The following RAD51D variants were observed in gnomAD, a reference collection of about 807,000 sequenced individuals.
RAD51D encodes the protein DNA repair protein RAD51 homolog 4.
Under a neutral mutation model 44.1 loss-of-function variants are expected in RAD51D, and 38 were observed. The ratio of observed to expected loss-of-function variants is 0.86; its 90% CI spans 0.67 to 1.13. The LOEUF is 1.13. Ranked by LOEUF, RAD51D falls within the 50% of genes most tolerant of loss-of-function variation. RAD51D has a pLI of 0.00. For synonymous variants in RAD51D, 141 were observed against 166.6 expected (o/e 0.85, Z 1.18); for missense variants, 390 against 414.0 (o/e 0.94, Z 0.50).
intron 3 of RAD51D, chr17:35,116,838 C>T (rs2091754436): frequency 1.3e-6 from 2 of 1,492,900 alleles, no homozygotes; most frequent in Non-Finnish European, 1.8e-6. Context: ...GTGGTTGTGA[C>T]GAATAAATGA....
chr17:35,102,150 A>G (rs918785545), intron 8 of RAD51D, among the ~76,000 whole-genome samples: 6 of 151,962 alleles, frequency 3.9e-5, no homozygotes, highest in Non-Finnish European at 7.4e-5. Context: ...TAGGAAATGG[A>G]CTCAGATGGT....
Position 35,103,567 on chromosome 17 carries a change from C to T in RAD51D, c.577-23G>A, listed in dbSNP as rs1195221351. ...CACCTGAAGGAATGTGGGGGAAGCA[C>T]TCATGAACCTGTCAGCCTCTAGGAC... On this transcript the variant is annotated intron_variant, in intron 6 of 9. Transcript: ENST00000345365. The surrounding 1 kb of genome is among the most constrained non-coding windows in gnomAD (Gnocchi z 4.1). 9 of 1,583,568 alleles carry T rather than the reference C, an allele frequency of 5.7e-6. No individual in the cohort carries two copies. Among genetic ancestry groups the T allele is most frequent in the African/African-American group, 4.0e-5 (3 of 74,356 alleles).
Position 35,092,487 on chromosome 17 carries a change from T to G in RAD51D, c.*8466A>C, listed in dbSNP as rs1052662675. ...ACATAAATTATCTGTTTAATTCCCC[T>G]GAGGCATATATTTTACCAACAAAGA... On this transcript the variant is annotated 3_prime_UTR_variant, in exon 10 of 10. Coordinates refer to ENST00000345365, the MANE Select transcript of RAD51D (RefSeq NM_002878.4). 10 of 152,204 alleles carry G rather than the reference T, an allele frequency of 6.6e-5. No homozygotes were observed. Among genetic ancestry groups the G allele is most frequent in the African/African-American group, 1.9e-4 (8 of 41,442 alleles). The allele number at this position is 152,204 out of a possible 1,614,324, so 9.4% of individuals were successfully genotyped here. A position where few individuals can be genotyped will look rare whatever the true frequency, so the allele number is the denominator to read the frequency against.
In RAD51D at chr17:35,099,796, T is replaced by C. The variant is rs573589168; in HGVS notation, c.*1157A>G. ...GCCAGTAACCAATCCTGATCATTTC[T>C]GTACTTTTCCTTTTATTTTCCATTC... On this transcript the variant is annotated 3_prime_UTR_variant, in exon 10 of 10. Transcript: ENST00000345365. The C allele has an allele frequency of 3.4e-5, 16 of 473,094 alleles. No homozygotes were observed. Among genetic ancestry groups the C allele is most frequent in the African/African-American group, 2.6e-4 (13 of 50,980 alleles). 29.3% of individuals were successfully genotyped at this position (473,094 alleles called of 1,614,324 possible).
In RAD51D at chr17:35,107,119, A is replaced by T. The variant is rs786201358; in HGVS notation, c.349T>A (p.Cys117Ser). The T allele has an allele frequency of 1.1e-5, 17 of 1,614,048 alleles. No homozygotes were observed. The highest frequency in any genetic ancestry group is 1.4e-5 in the Non-Finnish European group (16 of 1,180,016). The change falls in exon 5 of 10, where the codon TGT becomes AGT. Residue 117 changes from cysteine to serine, a missense_variant. Physicochemically the swap from Cys to Ser is moderately radical, Grantham distance 112. Coordinates refer to ENST00000345365, the MANE Select transcript of RAD51D (RefSeq NM_002878.4). Reference sequence around the variant, plus strand: ...GCCACATTTGCTGCCATACAGAGACATACCTGGGGGTGGGGGCATTGGATG... The same window carrying T: ...GCCACATTTGCTGCCATACAGAGACTTACCTGGGGGTGGGGGCATTGGATG... ...GGPGSGKTQV[C>S]LCMAANVAHG...
At chr17:35,117,132 C>T (rs1296491345) in intron 3 of RAD51D, 2 of 1,323,664 alleles carry the variant, frequency 1.5e-6, no homozygotes, top group Non-Finnish European at 1.0e-6. Context: ...TTACAGCTCT[C>T]TTGTATTCAC....
chr17:35,110,220 C>T (rs2091658607), intron 3 of RAD51D, among the ~76,000 whole-genome samples: 1 of 151,712 alleles, frequency 6.6e-6, no homozygotes, highest in African/African-American at 2.4e-5. Context: ...GCAATCTGAC[C>T]ACCTCAGCCT....
chr17:35,110,561 GA>G (rs1334318055), intron 3 of RAD51D, among the ~76,000 whole-genome samples: 1 of 152,130 alleles, frequency 6.6e-6, no homozygotes, highest in Non-Finnish European at 1.5e-5. Context: ...TTAAGTCTAT[GA>G]TCCATTTTCA....
chr17:35,117,002 T>A, intron 3 of RAD51D: 1 of 1,613,756 alleles, frequency 6.2e-7, no homozygotes, highest in African/African-American at 1.3e-5. Context: ...GCAGCTGCAG[T>A]CCTCCCAGGT....
chr17:35,103,643 C>CCCCCA lies in RAD51D; in HGVS notation c.577-104_577-100dup. 4 of 871,130 alleles carry CCCCCA rather than the reference C, an allele frequency of 4.6e-6. No individual in the cohort carries two copies. In the Admixed American group the frequency reaches 7.9e-5, roughly 17 times the overall value. 54.0% of individuals were successfully genotyped at this position (871,130 alleles called of 1,614,324 possible). A position where few individuals can be genotyped will look rare whatever the true frequency, so the allele number is the denominator to read the frequency against. On this transcript the variant is annotated intron_variant, in intron 6 of 9. Transcript: ENST00000345365. This position sits in a 1 kb window ranked among gnomAD's most constrained non-coding sequence, Gnocchi z 4.1. The stretch of plus-strand genomic sequence containing the variant: ...TATCTAAAACTAGTAAGAAATAGCC[C>CCCCCA]CCCCATCCCAAATACAGCAAGCTGC...
chr17:35,109,404 G>A (rs1160004342), intron 3 of RAD51D, among the ~76,000 whole-genome samples: 3 of 152,136 alleles, frequency 2.0e-5, no homozygotes, highest in Non-Finnish European at 2.9e-5. Context: ...TTTTTACAAC[G>A]TTGGGATAAA....
Position 35,100,897 on chromosome 17 carries a change from A to C in RAD51D, c.*56T>G. 6.9e-7 allele frequency: 1 copy of C among 1,458,086 alleles called. No individual in the cohort carries two copies. The highest frequency in any genetic ancestry group is 9.6e-7 in the Non-Finnish European group (1 of 1,038,932). 90.3% of individuals were successfully genotyped at this position (1,458,086 alleles called of 1,614,324 possible). On this transcript the variant is annotated 3_prime_UTR_variant, in exon 10 of 10. Transcript: ENST00000345365. ...GCAGTAAACAGCAGGCGTTACTGGGAAGAAAAGTTGGGAGGGGTCCCCAAT... is the reference window on the plus strand; with the variant it reads ...GCAGTAAACAGCAGGCGTTACTGGGCAGAAAAGTTGGGAGGGGTCCCCAAT...
In RAD51D at chr17:35,119,587, G is replaced by A. The variant is rs200487648; in HGVS notation, c.27C>T (p.Cys9=). The A allele has an allele frequency of 1.2e-5, 20 of 1,612,382 alleles. No homozygotes were observed. The East Asian group carries it at 3.8e-4, about 31-fold the overall frequency. MGVLRVGL[C]PGLTEEMIQL... ...GGATCATCTCCTCGGTAAGGCCAGG[G>A]CACAGTCCGACCCTGAGCACGCCCA... is the stretch of plus-strand genomic sequence containing the variant. Residue 9 remains cysteine, a synonymous_variant, in exon 1 of 10, where the codon TGC becomes TGT. Coordinates refer to ENST00000345365, the MANE Select transcript of RAD51D (RefSeq NM_002878.4).
At chr17:35,107,988 G>A (rs886728157) in intron 3 of RAD51D, among the ~76,000 whole-genome samples, 13 of 151,608 alleles carry the variant, frequency 8.6e-5, no homozygotes, top group South Asian at 4.2e-4. Context: ...GACCTCAAGC[G>A]ATCCACCCAC....
chr17:35,106,300 CA>C, intron 6 of RAD51D, 85 bp downstream of exon 6: 1 of 1,150,900 alleles, frequency 8.7e-7, no homozygotes, highest in Non-Finnish European at 1.3e-6. Flanking sequence ...TCTGCATTTC[CA>C]AACAGTCTGT....
At position 35,095,948 on chromosome 17, in the gene RAD51D, T is replaced by C. The variant is rs2091483905; in HGVS notation, c.*5005A>G. On this transcript the variant is annotated 3_prime_UTR_variant, in exon 10 of 10. Transcript: ENST00000345365. Reference sequence around the variant, plus strand: ...CAATCACATCATCAGCTTCAGTGGGTTCCAGGCAGCCAACTATTCAAACCA... The same window carrying C: ...CAATCACATCATCAGCTTCAGTGGGCTCCAGGCAGCCAACTATTCAAACCA... 6.6e-6 allele frequency: 1 copy of C among 152,174 alleles called. No homozygotes were observed. The highest frequency in any genetic ancestry group is 2.4e-5 in the African/African-American group (1 of 41,444). 9.4% of individuals were successfully genotyped at this position (152,174 alleles called of 1,614,324 possible).
At chr17:35,117,610 C>T (rs1024821204) in intron 3 of RAD51D, among the ~76,000 whole-genome samples, 1 of 152,172 alleles carries the variant, frequency 6.6e-6, no homozygotes, top group Non-Finnish European at 1.5e-5. Context: ...CTGCTGCAGC[C>T]TCCCAAGTAG....
In RAD51D at chr17:35,103,881, C is replaced by A. The variant is rs2375911; in HGVS notation, c.577-337G>T. Among the ~76,000 whole-genome samples the A allele has an allele frequency of 2.6e-4, 40 of 152,070 alleles. No individual in the cohort carries two copies. In the East Asian group the frequency reaches 7.0e-3, roughly 27 times the overall value. Reference sequence around the variant, plus strand: ...TCACTTGAGGTCAGGAGTTCGAGACCAGCCTGGCCAACATGGTGAAACCCC... The same window carrying A: ...TCACTTGAGGTCAGGAGTTCGAGACAAGCCTGGCCAACATGGTGAAACCCC... On this transcript the variant is annotated intron_variant, in intron 6 of 9. Transcript: ENST00000345365. The surrounding 1 kb of genome is among the most constrained non-coding windows in gnomAD (Gnocchi z 4.1).
chr17:35,115,928 GA>G (rs1461993896), intron 3 of RAD51D, among the ~76,000 whole-genome samples: 130 of 65,824 alleles, frequency 2.0e-3, no homozygotes, highest in African/African-American at 6.1e-3. Flanking sequence ...AGGAAGGAAG[GA>G]AGGAAGGAAG....
Sources: gnomAD v4.1 joint callset for allele counts (sites outside exome capture counted in the v4.1 genomes callset) on GRCh38, gnomAD v4.1.1 for gene constraint, Gnocchi (gnomAD v3.1) non-coding constraint, MANE v1.5 for transcripts, NCBI Gene and HGNC (gene_info 2026-07-23, HGNC 2026-07-21) for gene names.